The following ITGB4 variants were observed in gnomAD, a reference collection of about 807,000 sequenced individuals.
The protein encoded by ITGB4 is integrin beta-4.
ITGB4 carries 159 observed loss-of-function variants against 207.6 expected under a neutral mutation model. The observed-to-expected ratio is 0.77, with a 90% CI of 0.67 to 0.87. ITGB4 has a LOEUF of 0.87. Ranked by LOEUF, ITGB4 falls within the 40% of genes least tolerant of loss-of-function variation. The pLI, the probability that ITGB4 is intolerant of heterozygous loss-of-function variation, is 0.00. For missense variants in ITGB4, 2,278 were observed against 2,546.8 expected, an observed-to-expected ratio of 0.89 and a Z score of 2.27; for synonymous variants, 1,020 against 1,062.7, an observed-to-expected ratio of 0.96 and a Z score of 0.78.
intron 27 of ITGB4, 102 bp downstream of exon 27, chr17:75,749,147 C>A: frequency 1.1e-6 from 1 of 915,586 alleles, no homozygotes; most frequent in Non-Finnish European, 1.7e-6. Context: ...ACAGGACGCC[C>A]AGGTAAATCT....
Position 75,732,262 on chromosome 17 carries a change from C to A in ITGB4, c.1454+23C>A, listed in dbSNP as rs1384020341. The A allele has an allele frequency of 6.2e-7, 1 of 1,609,226 alleles. No individual in the cohort carries two copies. Among genetic ancestry groups the A allele is most frequent in the Non-Finnish European group, 8.5e-7 (1 of 1,176,056 alleles). On this transcript the variant is annotated intron_variant, in intron 12 of 39. Coordinates refer to ENST00000200181, the MANE Select transcript of ITGB4 (RefSeq NM_000213.5). The surrounding 1 kb of genome is among the most constrained non-coding windows in gnomAD (Gnocchi z 5.3). ...CTGGTGAGTGGGGAAGGGAGTTGGG[C>A]ACCCAGGACACCAGTGGCCCCTGAT...
chr17:75,736,362 C>A lies in ITGB4; in HGVS notation c.1836C>A (p.Thr612=). The change falls in exon 15 of 40, where the codon ACC becomes ACA. Residue 612 remains threonine, a synonymous_variant. Coordinates refer to ENST00000200181, the MANE Select transcript of ITGB4 (RefSeq NM_000213.5). The stretch of plus-strand genomic sequence containing the variant: ...ACCAGCAGTCGCTCTACACGGACAC[C>A]ATCTGCGAGATCAACTACTCGGCGG... ...HCHQQSLYTD[T]ICEINYSAIH... is the part of the protein sequence containing the mutation. 1 of 1,614,180 alleles carries A rather than the reference C, an allele frequency of 6.2e-7. No individual in the cohort carries two copies.
rs1219603122 is a variant in ITGB4, at chr17:75,732,136, A to G, written c.1378-27A>G. On this transcript the variant is annotated intron_variant, in intron 11 of 39. Transcript: ENST00000200181. The surrounding 1 kb of genome is among the most constrained non-coding windows in gnomAD (Gnocchi z 5.3). ...GGCCCCGGTCCTGCTCCCCCGACGC[A>G]CCCCACCATGGTCTCTCTCATTCCA... 4.3e-6 allele frequency: 7 copies of G among 1,613,630 alleles called. No homozygotes were observed. In the East Asian group the frequency reaches 1.6e-4, roughly 36 times the overall value.
In ITGB4 at chr17:75,730,316, G is replaced by T; in HGVS notation, c.814G>T (p.Asp272Tyr). 6.2e-7 allele frequency: 1 copy of T among 1,613,770 alleles called. No homozygotes were observed. Residue 272 changes from aspartate to tyrosine, a missense_variant, in exon 8 of 40, where the codon GAT (aspartate) becomes TAT (tyrosine). By Grantham distance (160) the Asp-to-Tyr change is radical (BLOSUM62 -3). Coordinates refer to ENST00000200181, the MANE Select transcript of ITGB4 (RefSeq NM_000213.5). ...STESAFHYEA[D>Y]GANVLAGIMS... ...CGAGTCAGCCTTCCACTATGAGGCT[G>T]ATGGCGCCAACGTGCTGGCTGGCAT...
chr17:75,749,291 G>T (rs1568375354), intron 27 of ITGB4, among the ~76,000 whole-genome samples: 1 of 152,140 alleles, frequency 6.6e-6, no homozygotes, highest in Non-Finnish European at 1.5e-5. Flanking sequence ...ATTTTGGGAG[G>T]CCAAGGTGGG....
At position 75,757,556 on chromosome 17, in the gene ITGB4, C is replaced by G. The variant is rs759189560; in HGVS notation, c.*1C>G. On this transcript the variant is annotated 3_prime_UTR_variant, in exon 40 of 40. Transcript: ENST00000200181. Reference sequence around the variant, plus strand: ...GGACCAACAGTTCTTCCAAACTTGACCGCACCCTGCCCCACCCCCGCCACG... The same window carrying G: ...GGACCAACAGTTCTTCCAAACTTGAGCGCACCCTGCCCCACCCCCGCCACG... 2 of 1,613,378 alleles carry G rather than the reference C, an allele frequency of 1.2e-6. No homozygotes were observed. The highest frequency in any genetic ancestry group is 1.7e-6 in the Non-Finnish European group (2 of 1,179,944).
At chr17:75,724,175 G>A (rs1295472590) in intron 1 of ITGB4, among the ~76,000 whole-genome samples, 2 of 152,210 alleles carry the variant, frequency 1.3e-5, no homozygotes, top group Non-Finnish European at 2.9e-5. Flanking sequence ...GCCACTGCGG[G>A]CAGCTGTGGC....
rs546003406 is a variant in ITGB4, at chr17:75,732,066, C to T, written c.1377+93C>T. On this transcript the variant is annotated intron_variant, in intron 11 of 39. Coordinates refer to ENST00000200181, the MANE Select transcript of ITGB4 (RefSeq NM_000213.5). The surrounding 1 kb of genome is among the most constrained non-coding windows in gnomAD (Gnocchi z 5.3). The stretch of plus-strand genomic sequence containing the variant: ...AGCAGGACTCCTGTGCCCCATATCC[C>T]TTGTGGGGTTTCCCGAGGCACACAG... The T allele has an allele frequency of 3.7e-6, 6 of 1,605,686 alleles. No individual in the cohort carries two copies. In the South Asian group the frequency reaches 6.6e-5, roughly 18 times the overall value.
intron 26 of ITGB4, among the ~76,000 whole-genome samples, chr17:75,744,111 C>T (rs964917626): frequency 1.4e-5 from 2 of 143,670 alleles, no homozygotes; most frequent in African/African-American, 5.2e-5. Context: ...CAAGAGGGCT[C>T]GCTCTTTTTT....
intron 26 of ITGB4, among the ~76,000 whole-genome samples, chr17:75,744,887 C>A (rs933724676): frequency 1.3e-5 from 2 of 152,048 alleles, no homozygotes; most frequent in Non-Finnish European, 2.9e-5. Context: ...CCTCGGCCTC[C>A]CAAAGTGCTG....
In ITGB4 at chr17:75,757,779, G is replaced by A; in HGVS notation, c.*224G>A. The A allele has an allele frequency of 1.5e-6, 1 of 687,958 alleles. No homozygotes were observed. The highest frequency in any genetic ancestry group is 1.8e-5 in the African/African-American group (1 of 56,268). The allele number at this position is 687,958 out of a possible 1,614,324, so 42.6% of individuals were successfully genotyped here. Reference sequence around the variant, plus strand: ...GAGCTGGGAGCAGCACAAGGACCCAGCCTTTGTTCTGCACTTAATAAATGG... The same window carrying A: ...GAGCTGGGAGCAGCACAAGGACCCAACCTTTGTTCTGCACTTAATAAATGG... On this transcript the variant is annotated 3_prime_UTR_variant, in exon 40 of 40. Coordinates refer to ENST00000200181, the MANE Select transcript of ITGB4 (RefSeq NM_000213.5).
rs1240392451 is a variant in ITGB4 at position 75,753,815 on chromosome 17, C to T, written c.4159C>T (p.Arg1387Cys). The stretch of plus-strand genomic sequence containing the variant: ...GCTGGGGGAGGAGCTGGACCTGCGG[C>T]GCGTCACGTGGCGGCTGCCCCCGGA... ...PLLGEELDLR[R>C]VTWRLPPELI... Residue 1387 changes from arginine (R) to cysteine (C), a missense_variant, in exon 33 of 40, where the codon CGC becomes TGC. Coordinates refer to ENST00000200181, the MANE Select transcript of ITGB4 (RefSeq NM_000213.5). 8.9e-6 allele frequency: 13 copies of T among 1,465,402 alleles called. No homozygotes were observed. Among genetic ancestry groups the T allele is most frequent in the Non-Finnish European group, 1.2e-5 (13 of 1,109,444 alleles). The allele number at this position is 1,465,402 out of a possible 1,614,324, so 90.8% of individuals were successfully genotyped here. A position where few individuals can be genotyped will look rare whatever the true frequency, so the allele number is the denominator to read the frequency against.
intron 26 of ITGB4, among the ~76,000 whole-genome samples, chr17:75,747,942 C>G (rs2061268616): frequency 6.6e-6 from 1 of 152,144 alleles, no homozygotes; most frequent in Non-Finnish European, 1.5e-5. Flanking sequence ...GGTTGCCTCC[C>G]CAGCCATCGC....
chr17:75,750,307 C>A lies in ITGB4; in HGVS notation c.3474+39C>A. ...CTGAGGGTCACGACAGGTGGATGGG[C>A]GGTCTGGCACCAGCACTCACAGAAG... On this transcript the variant is annotated intron_variant, in intron 28 of 39. Coordinates refer to ENST00000200181, the MANE Select transcript of ITGB4 (RefSeq NM_000213.5). This position sits in a 1 kb window ranked among gnomAD's most constrained non-coding sequence, Gnocchi z 5.5. The A allele has an allele frequency of 6.4e-7, 1 of 1,574,786 alleles. No homozygotes were observed.
rs547921943 is a variant in ITGB4, at chr17:75,729,146, G to A, written c.567-119G>A. 3.2e-4 allele frequency: 290 copies of A among 892,368 alleles called. 1 individual carries two copies. The East Asian group carries it at 7.0e-3, about 22-fold the overall frequency. The allele number at this position is 892,368 out of a possible 1,614,324, so 55.3% of individuals were successfully genotyped here. ...CGCACACCAGCCTGGGTGATAAAGC[G>A]AGACTTGGTCTCAAAAAAAAAAAAA... On this transcript the variant is annotated intron_variant, in intron 6 of 39. Coordinates refer to ENST00000200181, the MANE Select transcript of ITGB4 (RefSeq NM_000213.5). This position sits in a 1 kb window ranked among gnomAD's most constrained non-coding sequence, Gnocchi z 4.4.
At chr17:75,741,298 G>C (rs976770298) in intron 23 of ITGB4, among the ~76,000 whole-genome samples, 16 of 152,138 alleles carry the variant, frequency 1.1e-4, no homozygotes, top group African/African-American at 3.9e-4. Context: ...AGCGATAGCA[G>C]GTACCCATCT....
Position 75,722,640 on chromosome 17 carries a change from G to A in ITGB4, c.-11+1028G>A, listed in dbSNP as rs2060636674. 6.6e-6 allele frequency among the ~76,000 whole-genome samples: 1 copy of A among 152,158 alleles called. No individual in the cohort carries two copies. Among genetic ancestry groups the A allele is most frequent in the African/African-American group, 2.4e-5 (1 of 41,424 alleles). On this transcript the variant is annotated intron_variant, in intron 1 of 39. Transcript: ENST00000200181. The surrounding 1 kb of genome is among the most constrained non-coding windows in gnomAD (Gnocchi z 6.2). ...CGAGGAAGGGCCTGGGTCCCTGAGG[G>A]GAGGAGATGTGACAGCGGGAGAGGA...
At chr17:75,728,723 G>A (rs2060781137) in intron 6 of ITGB4, among the ~76,000 whole-genome samples, 4 of 152,086 alleles carry the variant, frequency 2.6e-5, no homozygotes, top group Admixed American at 1.3e-4. Context: ...GGTGGTTCAC[G>A]CCTGTAATCC....
Position 75,739,839 on chromosome 17 carries a change from G to T in ITGB4, c.2255-41G>T. 1 of 1,611,914 alleles carries T rather than the reference G, an allele frequency of 6.2e-7. No individual in the cohort carries two copies. The highest frequency in any genetic ancestry group is 8.5e-7 in the Non-Finnish European group (1 of 1,178,552). ...CCACCTGAAGAGGTTGGGCTGTGCG[G>T]GTCTAGGGAGGGGTGCCGTGCTGAG... On this transcript the variant is annotated intron_variant, in intron 19 of 39. Coordinates refer to ENST00000200181, the MANE Select transcript of ITGB4 (RefSeq NM_000213.5). The surrounding 1 kb of genome is among the most constrained non-coding windows in gnomAD (Gnocchi z 5.4).
Sources: allele counts gnomAD v4.1 joint callset (sites outside exome capture counted in the v4.1 genomes callset), GRCh38; gene constraint gnomAD v4.1.1; non-coding constraint Gnocchi (gnomAD v3.1); transcripts MANE v1.5; gene names NCBI Gene and HGNC (gene_info 2026-07-23, HGNC 2026-07-21).